SCHIP1: variants seen among roughly 807,000 people sequenced by gnomAD.
SCHIP1 encodes the protein schwannomin interacting protein 1, also known as schwannomin-interacting protein 1.
In SCHIP1, 8 loss-of-function variants were observed where a neutral mutation model predicts 29.7. The ratio of observed to expected loss-of-function variants is 0.27; its 90% CI spans 0.16 to 0.49. The LOEUF is 0.49. Among genes scored for constraint, SCHIP1 ranks in the 20% least tolerant of loss-of-function variants. The pLI is 0.99. For synonymous variants in SCHIP1, 76 were observed against 94.9 expected, an observed-to-expected ratio of 0.80 and a Z score of 1.16; for missense variants, 193 against 294.6, an observed-to-expected ratio of 0.66 and a Z score of 2.52.
chr3:159,790,321 G>C, the SCHIP1 span, among the ~76,000 whole-genome samples: 194 of 152,356 alleles, frequency 1.3e-3, 1 homozygote, highest in African/African-American at 4.4e-3. Context: ...GCATTAGAAT[G>C]TGTTAATGTA....
At chr3:159,514,223 T>A in the SCHIP1 span, among the ~76,000 whole-genome samples, 1 of 152,184 alleles carries the variant, frequency 6.6e-6, no homozygotes, top group African/African-American at 2.4e-5. Flanking sequence ...CGGAAAGGCC[T>A]GTCCATTTTT....
At chr3:159,295,930 G>A in the SCHIP1 span, among the ~76,000 whole-genome samples, 4 of 151,986 alleles carry the variant, frequency 2.6e-5, no homozygotes, top group African/African-American at 7.3e-5. Flanking sequence ...TCAATGATAC[G>A]GGAAAATGAA....
the SCHIP1 span, among the ~76,000 whole-genome samples, chr3:159,732,468 C>T: frequency 1.6e-4 from 25 of 152,074 alleles, no homozygotes; most frequent in Non-Finnish European, 3.2e-4. Context: ...GTTCTCATGG[C>T]GGGTTAGAAA....
At chr3:159,773,799 G>C in the SCHIP1 span, among the ~76,000 whole-genome samples, 1 of 152,202 alleles carries the variant, frequency 6.6e-6, no homozygotes, top group Non-Finnish European at 1.5e-5. Context: ...AGCTAGCGGA[G>C]AGAAGATCTC....
At chr3:159,337,183 G>A in the SCHIP1 span, among the ~76,000 whole-genome samples, 2 of 152,088 alleles carry the variant, frequency 1.3e-5, no homozygotes, top group Non-Finnish European at 2.9e-5. Context: ...ATTAGGTATT[G>A]ATGGGATGTA....
chr3:159,626,150 ATATATATATATC>A, the SCHIP1 span, among the ~76,000 whole-genome samples: 21 of 119,154 alleles, frequency 1.8e-4, no homozygotes, highest in African/African-American at 1.0e-3. Context: ...ATATCTAGAT[ATATATATATATC>A]TAGATATATC....
At chr3:159,430,696 A>G in the SCHIP1 span, among the ~76,000 whole-genome samples, 3 of 152,200 alleles carry the variant, frequency 2.0e-5, no homozygotes, top group Non-Finnish European at 4.4e-5. Flanking sequence ...TGACTAAAGA[A>G]AAATAAAACA....
At chr3:159,813,734 A>G in the SCHIP1 span, among the ~76,000 whole-genome samples, 3 of 152,168 alleles carry the variant, frequency 2.0e-5, no homozygotes, top group African/African-American at 4.8e-5. Flanking sequence ...TCAGGCTCCA[A>G]ATCTCTTACT....
At chr3:159,802,159 A>G in the SCHIP1 span, among the ~76,000 whole-genome samples, 1 of 152,218 alleles carries the variant, frequency 6.6e-6, no homozygotes, top group South Asian at 2.1e-4. Flanking sequence ...TGCTGGGTGC[A>G]TTGTCCATAT....
At chr3:159,625,308 G>A in the SCHIP1 span, among the ~76,000 whole-genome samples, 11 of 152,000 alleles carry the variant, frequency 7.2e-5, no homozygotes, top group African/African-American at 2.7e-4. Flanking sequence ...AGGCATAAAT[G>A]GCATAAAGCT....
the SCHIP1 span, among the ~76,000 whole-genome samples, chr3:159,547,424 T>A: frequency 2.3e-3 from 344 of 152,344 alleles, 1 homozygote; most frequent in African/African-American, 7.8e-3. Context: ...TTTAATTAGA[T>A]CCCATTTGTC....
chr3:159,451,228 T>G, the SCHIP1 span, among the ~76,000 whole-genome samples: 1 of 152,260 alleles, frequency 6.6e-6, no homozygotes, highest in Non-Finnish European at 1.5e-5. Context: ...AGGGCACATG[T>G]TAAAGTACAC....
chr3:159,342,370 A>C, the SCHIP1 span, among the ~76,000 whole-genome samples: 1 of 152,356 alleles, frequency 6.6e-6, no homozygotes, highest in East Asian at 1.9e-4. Flanking sequence ...AATCCATTTT[A>C]GAATTCAGAA....
At chr3:159,392,464 A>ACC in the SCHIP1 span, among the ~76,000 whole-genome samples, 1 of 118,300 alleles carries the variant, frequency 8.5e-6, no homozygotes, top group Non-Finnish European at 1.9e-5. Flanking sequence ...CTCCCCCCTC[A>ACC]CCCCACCCCA....
the SCHIP1 span, among the ~76,000 whole-genome samples, chr3:159,717,985 A>T: frequency 2.0e-5 from 3 of 152,228 alleles, no homozygotes; most frequent in Admixed American, 1.3e-4. Flanking sequence ...TCCTCAATAA[A>T]ATACTGGCGA....
At chr3:159,338,887 G>C in the SCHIP1 span, among the ~76,000 whole-genome samples, 1 of 152,104 alleles carries the variant, frequency 6.6e-6, no homozygotes, top group Non-Finnish European at 1.5e-5. Context: ...AATTCTAAGT[G>C]AAAGAAGCTA....
the SCHIP1 span, among the ~76,000 whole-genome samples, chr3:159,432,286 ATGTG>A: frequency 0.065 from 6,930 of 107,308 alleles, 246 homozygotes; most frequent in East Asian, 0.16. Flanking sequence ...AGAGTAGGTG[ATGTG>A]TGTGTGTGTG....
At chr3:159,385,172 A>T in the SCHIP1 span, among the ~76,000 whole-genome samples, 59 of 152,202 alleles carry the variant, frequency 3.9e-4, no homozygotes, top group Non-Finnish European at 7.3e-5. Flanking sequence ...TGATGAAGGG[A>T]AAAAGTGAAA....
At chr3:159,711,360 CAAAAAAAAAAAAAAAAAAAAA>C in the SCHIP1 span, among the ~76,000 whole-genome samples, 6 of 6,750 alleles carry the variant, frequency 8.9e-4, no homozygotes, top group East Asian at 8.9e-3. Flanking sequence ...GACTCCGTCT[CAAAAAAAAAAAAAAAAAAAAA>C]AAAAAAAAAA....
Sources: gnomAD v4.1 joint callset for allele counts (sites outside exome capture counted in the v4.1 genomes callset) on GRCh38, gnomAD v4.1.1 for gene constraint, MANE v1.5 for transcripts, NCBI Gene and HGNC (gene_info 2026-07-23, HGNC 2026-07-21) for gene names.